TET2: variants seen among roughly 807,000 people sequenced by gnomAD.
The protein encoded by TET2 is methylcytosine dioxygenase TET2.
In TET2, 299 loss-of-function variants were observed where a neutral mutation model predicts 142.9. The ratio of observed to expected loss-of-function variants is 2.09; its 90% CI spans 1.90 to 2.30. The LOEUF is 2.30. Among genes scored for constraint, TET2 ranks in the 30% most tolerant of loss-of-function variants. TET2 has a pLI of 0.00. For missense variants in TET2, 2,418 were observed against 2,378.0 expected (o/e 1.02, Z -0.35); for synonymous variants, 819 against 849.0 (o/e 0.96, Z 0.61).
chr4:105,275,589 C>G lies in TET2; in HGVS notation c.5079C>G (p.Tyr1693Ter). 1 of 1,551,732 alleles carries G rather than the reference C, an allele frequency of 6.4e-7. No individual in the cohort carries two copies. Among genetic ancestry groups the G allele is most frequent in the Non-Finnish European group, 8.7e-7 (1 of 1,146,988 alleles). Residue 1693 changes from tyrosine to a stop codon, truncating the protein, a stop_gained, in exon 11 of 11, where the codon TAC becomes TAG. Transcript: ENST00000380013. LOFTEE classifies it low-confidence loss of function (END_TRUNC). ...FGNSQSFTSK[Y>*]LGYGNQNMQG... ...ATAGCCAGAGTTTTACATCTAAATA[C>G]TTAGGTTATGGAAACCAAAATATGC...
chr4:105,176,291 T>A (rs979347391), intron 1 of TET2, among the ~76,000 whole-genome samples: 1 of 152,076 alleles, frequency 6.6e-6, no homozygotes, highest in Admixed American at 6.6e-5. Flanking sequence ...TGCTACCTAA[T>A]GCAATAAGAC....
At chr4:105,209,069 A>ATG (rs1727001119) in intron 2 of TET2, among the ~76,000 whole-genome samples, 2 of 89,940 alleles carry the variant, frequency 2.2e-5, no homozygotes, top group Non-Finnish European at 2.0e-5. Flanking sequence ...ATATATATAT[A>ATG]TATATATATA....
At chr4:105,195,046 A>G (rs1726001838) in intron 2 of TET2, among the ~76,000 whole-genome samples, 1 of 137,800 alleles carries the variant, frequency 7.3e-6, no homozygotes, top group Non-Finnish European at 1.6e-5. Context: ...ATTCACAAAT[A>G]GCTGTATAGC....
chr4:105,226,295 T>C (rs1171965849), intron 2 of TET2, among the ~76,000 whole-genome samples: 1 of 152,198 alleles, frequency 6.6e-6, no homozygotes, highest in African/African-American at 2.4e-5. Flanking sequence ...ATCTTTAAAA[T>C]GAGAAAATGG....
intron 1 of TET2, chr4:105,147,553 G>A (rs865989941): frequency 1.3e-5 from 2 of 152,054 alleles, no homozygotes; most frequent in African/African-American, 2.4e-5. Flanking sequence ...ACAGGGAGTG[G>A]AATTGGAGTA....
chr4:105,229,483 G>A (rs969763343), intron 2 of TET2, among the ~76,000 whole-genome samples: 1 of 151,886 alleles, frequency 6.6e-6, no homozygotes, highest in South Asian at 2.1e-4. Context: ...GCTACTTTTT[G>A]TATTTTTAGT....
intron 2 of TET2, among the ~76,000 whole-genome samples, chr4:105,192,030 T>G (rs534884016): frequency 6.6e-6 from 1 of 152,292 alleles, no homozygotes; most frequent in African/African-American, 2.4e-5. Context: ...CTGTGAGAAC[T>G]GTGACTACTC....
At chr4:105,245,509 T>C (rs1171176102) in intron 6 of TET2, among the ~76,000 whole-genome samples, 1 of 152,116 alleles carries the variant, frequency 6.6e-6, no homozygotes, top group Non-Finnish European at 1.5e-5. Flanking sequence ...TTTGTATTTT[T>C]AGTAGAGACA....
chr4:105,215,377 G>A (rs186005019), intron 2 of TET2, among the ~76,000 whole-genome samples: 4 of 152,182 alleles, frequency 2.6e-5, no homozygotes, highest in East Asian at 1.9e-4. Flanking sequence ...ATGAAATAAT[G>A]TTCTAGAAAA....
At position 105,243,874 on chromosome 4, in the gene TET2, A is replaced by G. The variant is rs1292300697; in HGVS notation, c.3803+96A>G. The stretch of plus-strand genomic sequence containing the variant: ...AAGAGAGTTCAGCGTGCACTTTTAC[A>G]TTTATAAAATGGGCATCAAAATGCC... On this transcript the variant is annotated intron_variant, in intron 6 of 10. Coordinates refer to ENST00000380013, the MANE Select transcript of TET2 (RefSeq NM_001127208.3). 4.5e-6 allele frequency: 5 copies of G among 1,117,118 alleles called. No homozygotes were observed. The South Asian group carries it at 5.7e-5, about 13-fold the overall frequency. The allele number at this position is 1,117,118 out of a possible 1,614,324, so 69.2% of individuals were successfully genotyped here.
intron 2 of TET2, 72 bp from the exon 3 acceptor site, chr4:105,233,825 A>C (rs560206045): frequency 2.5e-5 from 18 of 716,944 alleles, no homozygotes; most frequent in Admixed American, 7.2e-5. Flanking sequence ...AAGATATATT[A>C]GTATTTTTAT....
chr4:105,275,684 C>A lies in TET2; in HGVS notation c.5174C>A (p.Pro1725His), dbSNP rs2110314120. ...CATGTAGGGAAATTGCCTCCTTATC[C>A]CACTCATGAGATGGATGGCCACTTC... ...VHHVGKLPPY[P>H]THEMDGHFMG... is the part of the protein sequence containing the mutation. Residue 1725 changes from proline to histidine, a missense_variant, in exon 11 of 11, where the codon CCC becomes CAC. By Grantham distance (77) the Pro-to-His change is moderately conservative. Coordinates refer to ENST00000380013, the MANE Select transcript of TET2 (RefSeq NM_001127208.3). 1 of 1,551,784 alleles carries A rather than the reference C, an allele frequency of 6.4e-7. No individual in the cohort carries two copies. The highest frequency in any genetic ancestry group is 8.7e-7 in the Non-Finnish European group (1 of 1,146,992).
chr4:105,254,610 C>G (rs920171066), intron 6 of TET2, among the ~76,000 whole-genome samples: 1 of 152,116 alleles, frequency 6.6e-6, no homozygotes, highest in Admixed American at 6.5e-5. Context: ...TGGAGTTTTC[C>G]TATGTTGCCC....
intron 1 of TET2, among the ~76,000 whole-genome samples, chr4:105,156,912 T>A (rs1227528563): frequency 2.0e-5 from 3 of 152,204 alleles, no homozygotes; most frequent in African/African-American, 7.2e-5. Context: ...TTTTCCTGCT[T>A]TTGTTTGAAG....
In TET2 at chr4:105,223,597, A is replaced by G. The variant is rs1727989393; in HGVS notation, c.-46-10300A>G. Among the ~76,000 whole-genome samples the G allele has an allele frequency of 1.3e-5, 2 of 152,178 alleles. 1 individual carries two copies. Among genetic ancestry groups the G allele is most frequent in the Non-Finnish European group, 2.9e-5 (2 of 68,024 alleles). ...CACTATACAGAGGGAAATTTAGTAG[A>G]CAATAATGAAGTCCATAGCATTGCA... On this transcript the variant is annotated intron_variant, in intron 2 of 10. Coordinates refer to ENST00000380013, the MANE Select transcript of TET2 (RefSeq NM_001127208.3).
intron 2 of TET2, among the ~76,000 whole-genome samples, chr4:105,231,481 G>A (rs192290032): frequency 6.6e-6 from 1 of 152,182 alleles, no homozygotes; most frequent in Admixed American, 6.5e-5. Flanking sequence ...ACTTCTGACT[G>A]GTTGATGCTC....
intron 1 of TET2, among the ~76,000 whole-genome samples, chr4:105,167,535 GTACTT>G (rs1033322586): frequency 6.6e-6 from 1 of 152,060 alleles, no homozygotes; most frequent in African/African-American, 2.4e-5. Context: ...TAGTTTCACT[GTACTT>G]TATTTGCTCC....
At chr4:105,222,595 T>A (rs1291352777) in intron 2 of TET2, among the ~76,000 whole-genome samples, 9 of 152,282 alleles carry the variant, frequency 5.9e-5, no homozygotes, top group South Asian at 2.1e-4. Flanking sequence ...GTTTGAGTTC[T>A]TTGTAGATTC....
At chr4:105,183,572 G>A (rs1370952259) in intron 1 of TET2, among the ~76,000 whole-genome samples, 1 of 152,088 alleles carries the variant, frequency 6.6e-6, no homozygotes, top group Admixed American at 6.5e-5. Flanking sequence ...GTTTCCCTAA[G>A]TGATCGGCTC....
Sources: allele counts gnomAD v4.1 joint callset (sites outside exome capture counted in the v4.1 genomes callset), GRCh38; gene constraint gnomAD v4.1.1; transcripts MANE v1.5; gene names NCBI Gene and HGNC (gene_info 2026-07-23, HGNC 2026-07-21).